Variants in HIPK3 observed in about 807,000 individuals in gnomAD.
HIPK3 encodes the protein homeodomain-interacting protein kinase 3.
Under a neutral mutation model 124.2 loss-of-function variants are expected in HIPK3, and 47 were observed. The ratio of observed to expected loss-of-function variants is 0.38; its 90% confidence interval spans 0.30 to 0.48. The LOEUF (loss-of-function observed/expected upper bound fraction) is 0.48. HIPK3 is among the 20% of genes least tolerant of loss of function. HIPK3 has a pLI of 0.98. For synonymous variants in HIPK3, 482 were observed against 515.2 expected, an observed-to-expected ratio of 0.94 and a Z score of 0.87; for missense variants, 1,286 against 1,454.3, an observed-to-expected ratio of 0.88 and a Z score of 1.88.
chr11:33,287,747 AT>A (rs1851595918), intron 2 of HIPK3, among the ~76,000 whole-genome samples: 1 of 152,194 alleles, frequency 6.6e-6, no homozygotes, highest in African/African-American at 2.4e-5. Context: ...GGTTATTTTT[AT>A]TTTTAATGGA....
At chr11:33,341,248 A>C (rs898649000) in intron 7 of HIPK3, 121 bp downstream of exon 7, 3 of 655,198 alleles carry the variant, frequency 4.6e-6, no homozygotes, top group East Asian at 3.0e-5. Flanking sequence ...AGGTCTTACT[A>C]TACCTGTTTT....
rs781686638 is a variant in HIPK3, at chr11:33,337,175, A to T, written c.1322A>T (p.His441Leu). 1 of 1,549,384 alleles carries T rather than the reference A, an allele frequency of 6.5e-7. No individual in the cohort carries two copies. Among genetic ancestry groups the T allele is most frequent in the East Asian group, 2.3e-5 (1 of 44,332 alleles). ...RFFCKETDMS[H>L]SGWRLKTLEE... ...TTTTGCAAAGAAACAGATATGTCTC[A>T]TTCTGGTTGGAGATTAAAGGTAATT... The change falls in exon 4 of 17, where the codon CAT (histidine) becomes CTT (leucine). Residue 441 changes from histidine to leucine, a missense_variant. Coordinates refer to ENST00000303296, the MANE Select transcript of HIPK3 (RefSeq NM_005734.5).
upstream of HIPK3, chr11:33,257,306 G>A: frequency 1.0e-6 from 1 of 983,684 alleles, no homozygotes; most frequent in Non-Finnish European, 1.2e-6. Context: ...CAGCGCTGCC[G>A]GGCGGGCGGT....
At chr11:33,302,339 C>CTTTTTTTTTTT (rs374964013) in intron 2 of HIPK3, among the ~76,000 whole-genome samples, 3,010 of 120,624 alleles carry the variant, frequency 0.025, 405 homozygotes, top group Middle Eastern at 0.056. Context: ...TAATTCCTTA[C>CTTTTTTTTTTT]TTCTTTTTTT....
chr11:33,314,448 TTC>T (rs1565080787), intron 2 of HIPK3, among the ~76,000 whole-genome samples: 1 of 150,902 alleles, frequency 6.6e-6, no homozygotes, highest in East Asian at 1.9e-4. Flanking sequence ...AGGTCAGGAG[TTC>T]AAGAGCAGCC....
In HIPK3 at chr11:33,348,493, G is replaced by A. The variant is rs201554116; in HGVS notation, c.2370-29G>A. 8.9e-5 allele frequency: 136 copies of A among 1,531,220 alleles called. 1 individual carries two copies. Among genetic ancestry groups the A allele is most frequent in the Middle Eastern group, 7.1e-4 (4 of 5,636 alleles). The allele number at this position is 1,531,220 out of a possible 1,614,324, so 94.9% of individuals were successfully genotyped here. ...ATTGATTATACATATTTTGATTATA[G>A]AAATTATAAATTATTCCTTTGGTTG... On this transcript the variant is annotated intron_variant, in intron 12 of 16. Coordinates refer to ENST00000303296, the MANE Select transcript of HIPK3 (RefSeq NM_005734.5).
At chr11:33,347,521 G>A in intron 9 of HIPK3, 107 bp downstream of exon 9, 1 of 1,570,768 alleles carries the variant, frequency 6.4e-7, no homozygotes, top group South Asian at 1.2e-5. Flanking sequence ...GGACTTTAAT[G>A]TTTATAATTG....
chr11:33,288,726 G>A (rs1170358468), intron 2 of HIPK3, among the ~76,000 whole-genome samples: 2 of 152,160 alleles, frequency 1.3e-5, no homozygotes, highest in African/African-American at 4.8e-5. Flanking sequence ...ACTCATTCTG[G>A]AGTGTAAAAT....
intron 1 of HIPK3, among the ~76,000 whole-genome samples, chr11:33,264,867 A>C (rs570082129): frequency 2.0e-4 from 31 of 152,338 alleles, no homozygotes; most frequent in African/African-American, 6.7e-4. Flanking sequence ...AAGGCCTAAA[A>C]GTGCCAATTT....
intron 1 of HIPK3, among the ~76,000 whole-genome samples, chr11:33,266,787 T>G (rs1850977138): frequency 6.6e-6 from 1 of 152,176 alleles, no homozygotes; most frequent in South Asian, 2.1e-4. Context: ...TGCCAAGTCC[T>G]GATGGAAAAA....
intron 2 of HIPK3, among the ~76,000 whole-genome samples, chr11:33,326,652 A>G (rs1284368289): frequency 6.6e-6 from 1 of 151,892 alleles, no homozygotes; most frequent in Non-Finnish European, 1.5e-5. Flanking sequence ...TGAGGGAGTT[A>G]TGACTGGTCA....
chr11:33,347,944 G>A lies in HIPK3; in HGVS notation c.2237G>A (p.Ser746Asn), dbSNP rs149006860. ...ACTTTATCTGCCCCTCAGCCAGTTA[G>A]TGTGGGGATTGCACATGTTGTCTGG... ...QITLSAPQPV[S>N]VGIAHVVWPQ... Residue 746 changes from serine to asparagine, a missense_variant, in exon 11 of 17, where the codon AGT becomes AAT. This residue lies in a region of HIPK3 where 810 missense variants were observed against 864.9 expected (regional missense o/e 0.94). Coordinates refer to ENST00000303296, the MANE Select transcript of HIPK3 (RefSeq NM_005734.5). 5 of 1,614,020 alleles carry A rather than the reference G, an allele frequency of 3.1e-6. No individual in the cohort carries two copies. The highest frequency in any genetic ancestry group is 2.2e-5 in the East Asian group (1 of 44,900).
intron 2 of HIPK3, among the ~76,000 whole-genome samples, chr11:33,305,755 GT>G (rs1852138383): frequency 1.3e-5 from 2 of 152,226 alleles, no homozygotes; most frequent in Middle Eastern, 6.8e-3. Flanking sequence ...TTGTTTGTTT[GT>G]TTTTTAAGTC....
chr11:33,264,329 G>C (rs1850901400), intron 1 of HIPK3, among the ~76,000 whole-genome samples: 1 of 152,118 alleles, frequency 6.6e-6, no homozygotes, highest in African/African-American at 2.4e-5. Flanking sequence ...AGGCTGGTGA[G>C]ATAGAATTTC....
rs754901481 is a variant in HIPK3, at chr11:33,348,003, T to C, written c.2296T>C (p.Cys766Arg). 6.2e-7 allele frequency: 1 copy of C among 1,614,188 alleles called. No individual in the cohort carries two copies. Among genetic ancestry groups the C allele is most frequent in the South Asian group, 1.1e-5 (1 of 91,076 alleles). ...QPATTKKNKQ[C>R]QNRGILVKLM... ...TGCCACTACCAAGAAAAATAAACAGTGCCAGAACAGGTTGGTATTGGTGCT... is the reference window on the plus strand; with the variant it reads ...TGCCACTACCAAGAAAAATAAACAGCGCCAGAACAGGTTGGTATTGGTGCT... Residue 766 changes from cysteine (C) to arginine (R), a missense_variant, in exon 11 of 17, where the codon TGC becomes CGC. Physicochemically the swap from Cys to Arg is radical, Grantham distance 180. Around this residue, in one of 3 missense-constraint regions of HIPK3, gnomAD observed 810 missense variants for 864.9 expected, o/e 0.94. Coordinates refer to ENST00000303296, the MANE Select transcript of HIPK3 (RefSeq NM_005734.5).
rs746840288 is a variant in HIPK3 at position 33,351,568 on chromosome 11, G to GA, written c.2808-33dup. On this transcript the variant is annotated intron_variant, in intron 14 of 16. Coordinates refer to ENST00000303296, the MANE Select transcript of HIPK3 (RefSeq NM_005734.5). ...TTACTTAACATTAGATTTAATGTTG[G>GA]AAAAAAATATCACTCATAAAAAATG... is the stretch of plus-strand genomic sequence containing the variant. The GA allele has an allele frequency of 9.1e-6, 13 of 1,435,204 alleles. No homozygotes were observed. The East Asian group carries it at 2.3e-4, about 25-fold the overall frequency. 88.9% of individuals were successfully genotyped at this position (1,435,204 alleles called of 1,614,324 possible). A position where few individuals can be genotyped will look rare whatever the true frequency, so the allele number is the denominator to read the frequency against.
In HIPK3 at chr11:33,348,556, T is replaced by G. The variant is rs1291707313; in HGVS notation, c.2404T>G (p.Ser802Ala). Reference protein sequence around the residue: ...NSLQNTNIPHSAFISPKIING... With the variant: ...NSLQNTNIPHAAFISPKIING... The stretch of plus-strand genomic sequence containing the variant: ...ATTACAGAATACCAATATCCCACAT[T>G]CAGCATTTATTTCTCCAAAGATAAT... Residue 802 changes from serine (S) to alanine (A), a missense_variant, in exon 13 of 17, where the codon TCA (serine) becomes GCA (alanine). Ser to Ala is a moderately conservative substitution (Grantham distance 99, BLOSUM62 1). Around this residue, in one of 3 missense-constraint regions of HIPK3, gnomAD observed 810 missense variants for 864.9 expected, o/e 0.94. Coordinates refer to ENST00000303296, the MANE Select transcript of HIPK3 (RefSeq NM_005734.5). The G allele has an allele frequency of 1.9e-6, 3 of 1,613,154 alleles. No homozygotes were observed. The highest frequency in any genetic ancestry group is 1.7e-6 in the Non-Finnish European group (2 of 1,179,122).
Position 33,339,374 on chromosome 11 carries a change from G to GGT in HIPK3, c.1454_1455insTG (p.Ser486GlufsTer18). ...GGTGAACACAGTGATGGATTTGGAA[G>GGT]GAAGTGATCTTTTGGCTGAGAAAGC... On this transcript the variant is annotated frameshift_variant, in exon 6 of 17. Coordinates refer to ENST00000303296, the MANE Select transcript of HIPK3 (RefSeq NM_005734.5). LOFTEE classifies it high-confidence loss of function. 1 of 1,613,334 alleles carries GGT rather than the reference G, an allele frequency of 6.2e-7. No homozygotes were observed. Among genetic ancestry groups the GGT allele is most frequent in the Non-Finnish European group, 8.5e-7 (1 of 1,179,456 alleles).
Position 33,347,631 on chromosome 11 carries a change from G to A in HIPK3, c.2022G>A (p.Thr674=), listed in dbSNP as rs1250440001. The A allele has an allele frequency of 8.7e-6, 14 of 1,613,154 alleles. No homozygotes were observed. The highest frequency in any genetic ancestry group is 2.2e-5 in the South Asian group (2 of 91,016). The change falls in exon 10 of 17, where the codon ACG becomes ACA. Residue 674 remains threonine (T), a splice_region_variant and synonymous_variant. Coordinates refer to ENST00000303296, the MANE Select transcript of HIPK3 (RefSeq NM_005734.5). Reference sequence around the variant, plus strand: ...TTGTTTTGCTTTGCTGCAAGCAGACGTGGTCTGGTAGAACACAGCAGATGC... The same window carrying A: ...TTGTTTTGCTTTGCTGCAAGCAGACATGGTCTGGTAGAACACAGCAGATGC... ...LQIRPGVLSQ[T]WSGRTQQMLV...
Sources: allele counts gnomAD v4.1 joint callset (sites outside exome capture counted in the v4.1 genomes callset), GRCh38; gene constraint gnomAD v4.1.1; regional missense constraint gnomAD v4.1.1; transcripts MANE v1.5; gene names NCBI Gene and HGNC (gene_info 2026-07-23, HGNC 2026-07-21).